Variants in SAMD8 observed in about 807,000 individuals in gnomAD.
The protein encoded by SAMD8 is sterile alpha motif domain containing 8, also known as sphingomyelin synthase-related protein 1.
A neutral mutation model predicts 42.0 loss-of-function variants in SAMD8; 20 were observed. The observed-to-expected ratio is 0.48, with a 90% CI of 0.34 to 0.69. The LOEUF (loss-of-function observed/expected upper bound fraction) is 0.69. SAMD8 is among the 30% of genes least tolerant of loss of function. The probability of loss-of-function intolerance (pLI) is 0.01; values close to 1 mark genes in which losing one functional copy is unlikely to be tolerated. For synonymous variants in SAMD8, 162 were observed against 173.0 expected, an observed-to-expected ratio of 0.94 and a Z score of 0.50; for missense variants, 328 against 511.6, an observed-to-expected ratio of 0.64 and a Z score of 3.46.
chr10:75,148,360 T>TTTTTTTTTTTTG (rs1840196782), intron 1 of SAMD8, among the ~76,000 whole-genome samples: 1 of 140,542 alleles, frequency 7.1e-6, no homozygotes, highest in African/African-American at 2.8e-5. Context: ...TTTTTTTTTT[T>TTTTTTTTTTTTG]TTTTTTTTTT....
At chr10:75,129,705 C>A (rs376811270) in intron 1 of SAMD8, among the ~76,000 whole-genome samples, 70 of 152,080 alleles carry the variant, frequency 4.6e-4, no homozygotes, top group Non-Finnish European at 9.3e-4. Flanking sequence ...TTAAGAAACA[C>A]CCCAAAGCCA....
At chr10:75,164,195 G>A (rs1395300476) in intron 2 of SAMD8, among the ~76,000 whole-genome samples, 3 of 152,140 alleles carry the variant, frequency 2.0e-5, no homozygotes, top group Non-Finnish European at 4.4e-5. Context: ...TGCAACCTGG[G>A]TGACAGAGCA....
At chr10:75,168,231 T>C (rs1404484469) in intron 3 of SAMD8, 1 of 160,776 alleles carries the variant, frequency 6.2e-6, no homozygotes, top group Non-Finnish European at 1.3e-5. Context: ...TTGTTCATTA[T>C]GGCAAAATTT....
intron 1 of SAMD8, among the ~76,000 whole-genome samples, chr10:75,102,797 A>C (rs970903867): frequency 6.6e-6 from 1 of 152,094 alleles, no homozygotes; most frequent in Non-Finnish European, 1.5e-5. Context: ...TACTAAAAAT[A>C]CAAAATTAGC....
upstream of SAMD8, among the ~76,000 whole-genome samples, chr10:75,108,689 T>C (rs1013824526): frequency 4.6e-5 from 7 of 152,246 alleles, no homozygotes; most frequent in African/African-American, 1.7e-4. Context: ...CAGGGGGCTC[T>C]CTGTCTACCT....
chr10:75,150,095 C>CAT (rs772610432), intron 1 of SAMD8, among the ~76,000 whole-genome samples: 2,201 of 146,806 alleles, frequency 0.015, 48 homozygotes, highest in African/African-American at 0.045. Flanking sequence ...TCTCTCTCTA[C>CAT]ATATATATAT....
intron 1 of SAMD8, among the ~76,000 whole-genome samples, chr10:75,148,570 G>T (rs1044058931): frequency 6.6e-6 from 1 of 152,050 alleles, no homozygotes; most frequent in Non-Finnish European, 1.5e-5. Context: ...AGCCAGGATG[G>T]TCTTGATCTC....
chr10:75,151,391 T>C (rs780254540), intron 2 of SAMD8, among the ~76,000 whole-genome samples: 15 of 152,196 alleles, frequency 9.9e-5, no homozygotes, highest in Non-Finnish European at 1.9e-4. Flanking sequence ...CACTGCACTG[T>C]CACCCAGGCT....
chr10:75,175,917 G>A, intron 4 of SAMD8, 149 bp from the exon 5 acceptor site: 2 of 1,457,558 alleles, frequency 1.4e-6, no homozygotes, highest in South Asian at 3.0e-5. Context: ...TTGAAGTCTG[G>A]CTGGAATTCA....
chr10:75,108,153 T>C (rs1326965957), upstream of SAMD8: 17 of 1,612,892 alleles, frequency 1.1e-5, no homozygotes, highest in South Asian at 3.3e-5. Context: ...GTGGGCGGCG[T>C]TCAGCACGTG....
intron 1 of SAMD8, among the ~76,000 whole-genome samples, chr10:75,142,490 G>A (rs1284765065): frequency 6.6e-6 from 1 of 152,056 alleles, no homozygotes; most frequent in African/African-American, 2.4e-5. Context: ...AGGCTGGAGT[G>A]CAGTGGCACG....
chr10:75,161,545 C>T (rs993400080), intron 2 of SAMD8, among the ~76,000 whole-genome samples: 1 of 150,018 alleles, frequency 6.7e-6, no homozygotes. Context: ...AAAACATAAG[C>T]GCAAACAGAA....
intron 2 of SAMD8, among the ~76,000 whole-genome samples, chr10:75,162,956 G>T (rs898229450): frequency 6.6e-6 from 1 of 151,144 alleles, no homozygotes; most frequent in Non-Finnish European, 1.5e-5. Context: ...ACAGAGTCTC[G>T]CTCTGTCACC....
intron 2 of SAMD8, among the ~76,000 whole-genome samples, chr10:75,154,956 A>G (rs1009629831): frequency 6.6e-6 from 1 of 152,062 alleles, no homozygotes; most frequent in Admixed American, 6.6e-5. Context: ...TTAGTGGTGC[A>G]TTCATAGATC....
At chr10:75,119,181 G>A (rs1381284562) in intron 1 of SAMD8, among the ~76,000 whole-genome samples, 1 of 151,562 alleles carries the variant, frequency 6.6e-6, no homozygotes, top group African/African-American at 2.4e-5. Flanking sequence ...ATTTGAGACG[G>A]AGTTTCGCTC....
intron 1 of SAMD8, among the ~76,000 whole-genome samples, chr10:75,104,868 G>A (rs377487021): frequency 5.9e-5 from 9 of 151,988 alleles, no homozygotes; most frequent in African/African-American, 2.2e-4. Context: ...TATGCCTTCA[G>A]AGACAGGAAC....
intron 1 of SAMD8, among the ~76,000 whole-genome samples, chr10:75,126,806 T>A (rs1037656806): frequency 1.3e-5 from 2 of 152,018 alleles, no homozygotes; most frequent in Non-Finnish European, 2.9e-5. Context: ...GGCCGGATTG[T>A]ATCCTCAGTG....
At chr10:75,135,821 G>A (rs867864745) in intron 1 of SAMD8, among the ~76,000 whole-genome samples, 2 of 150,672 alleles carry the variant, frequency 1.3e-5, no homozygotes, top group Admixed American at 6.6e-5. Flanking sequence ...ACAAGACTCC[G>A]TCCGTATCAA....
At chr10:75,155,639 G>C (rs1000766569) in intron 2 of SAMD8, among the ~76,000 whole-genome samples, 2 of 152,144 alleles carry the variant, frequency 1.3e-5, no homozygotes, top group Non-Finnish European at 2.9e-5. Context: ...GAGAATGTGA[G>C]ATGTATTGGA....
Sources: gnomAD v4.1 joint callset for allele counts (sites outside exome capture counted in the v4.1 genomes callset) on GRCh38, gnomAD v4.1.1 for gene constraint, MANE v1.5 for transcripts, NCBI Gene and HGNC (gene_info 2026-07-23, HGNC 2026-07-21) for gene names.